HIF1AN: variants seen among roughly 807,000 people sequenced by gnomAD.
HIF1AN encodes hypoxia inducible factor 1 subunit alpha inhibitor.
HIF1AN carries 21 observed loss-of-function variants against 47.7 expected under a neutral mutation model. The observed-to-expected ratio is 0.44, with a 90% CI of 0.31 to 0.63. The LOEUF (loss-of-function observed/expected upper bound fraction) is 0.63, where lower values mean the gene tolerates loss of function less well. Ranked by LOEUF, HIF1AN falls within the 30% of genes least tolerant of loss-of-function variation. The probability of loss-of-function intolerance (pLI) is 0.07; values close to 1 mark genes in which losing one functional copy is unlikely to be tolerated. For synonymous variants in HIF1AN, 152 were observed against 155.9 expected (o/e 0.98, Z 0.18); for missense variants, 320 against 432.7 (o/e 0.74, Z 2.31).
chr10:100,536,220 C>T, intron 1 of HIF1AN, 85 bp downstream of exon 1: 1 of 1,383,802 alleles, frequency 7.2e-7, no homozygotes, highest in South Asian at 1.4e-5. Flanking sequence ...AGATGGGAGA[C>T]TGGCAGGGCT....
Position 100,556,127 on chromosome 10 carries a change from C to T in HIF1AN, c.*7990C>T, listed in dbSNP as rs1273096842. ...TTCTGTCTAAGTTCCTGTTTCTAGT[C>T]TCAGGGCATATCTAGTTGTCAGCTC... On this transcript the variant is annotated 3_prime_UTR_variant, in exon 8 of 8. Transcript: ENST00000299163. The T allele has an allele frequency of 6.6e-6, 1 of 152,192 alleles. No individual in the cohort carries two copies. Among genetic ancestry groups the T allele is most frequent in the East Asian group, 1.9e-4 (1 of 5,192 alleles). 9.4% of individuals were successfully genotyped at this position (152,192 alleles called of 1,614,324 possible).
chr10:100,549,051 T>TCC lies in HIF1AN; in HGVS notation c.*914_*915insCC, dbSNP rs1564664624. Reference sequence around the variant, plus strand: ...AGGGGTGCAAGCCTCTGGGTGTGTGTGTGTGTGTGCGTGCGTGTGTGTGTG... The same window carrying TCC: ...AGGGGTGCAAGCCTCTGGGTGTGTGTCCGTGTGTGTGCGTGCGTGTGTGTGTG... On this transcript the variant is annotated 3_prime_UTR_variant, in exon 8 of 8. Transcript: ENST00000299163. 1.7e-5 allele frequency: 2 copies of TCC among 119,054 alleles called. No homozygotes were observed. The highest frequency in any genetic ancestry group is 4.8e-4 in the East Asian group (2 of 4,184). 7.4% of individuals were successfully genotyped at this position (119,054 alleles called of 1,614,324 possible). A position where few individuals can be genotyped will look rare whatever the true frequency, so the allele number is the denominator to read the frequency against.
intron 2 of HIF1AN, among the ~76,000 whole-genome samples, chr10:100,538,261 G>A (rs566461967): frequency 1.1e-3 from 161 of 152,218 alleles, no homozygotes; most frequent in Middle Eastern, 3.4e-3. Flanking sequence ...CTTTAGCACC[G>A]AGCAGCTTCA....
chr10:100,545,758 ATTG>A (rs1843086996), intron 4 of HIF1AN, among the ~76,000 whole-genome samples, 182 bp from the exon 5 acceptor site: 2 of 152,142 alleles, frequency 1.3e-5, no homozygotes, highest in Admixed American at 6.5e-5. Flanking sequence ...ACTGTCTTAT[ATTG>A]TTCTCTCTCA....
intron 3 of HIF1AN, 21 bp from the exon 4 acceptor site, chr10:100,544,929 GA>G: frequency 3.1e-6 from 5 of 1,613,422 alleles, no homozygotes; most frequent in Non-Finnish European, 4.2e-6. Context: ...CTCTGCATAA[GA>G]AAATGCCTTT....
Position 100,548,373 on chromosome 10 carries a change from C to G in HIF1AN, c.*236C>G. The G allele has an allele frequency of 2.1e-6, 1 of 481,030 alleles. No individual in the cohort carries two copies. Among genetic ancestry groups the G allele is most frequent in the Non-Finnish European group, 3.7e-6 (1 of 272,662 alleles). 29.8% of individuals were successfully genotyped at this position (481,030 alleles called of 1,614,324 possible). A position where few individuals can be genotyped will look rare whatever the true frequency, so the allele number is the denominator to read the frequency against. Reference sequence around the variant, plus strand: ...GCCCCAGCACCTTCTCTCTCTGCCCCCCGCCTAAAGTCCTGCATTCAGTGT... The same window carrying G: ...GCCCCAGCACCTTCTCTCTCTGCCCGCCGCCTAAAGTCCTGCATTCAGTGT... On this transcript the variant is annotated 3_prime_UTR_variant, in exon 8 of 8. Coordinates refer to ENST00000299163, the MANE Select transcript of HIF1AN (RefSeq NM_017902.3).
At position 100,556,083 on chromosome 10, in the gene HIF1AN, C is replaced by T. The variant is rs1405303853; in HGVS notation, c.*7946C>T. On this transcript the variant is annotated 3_prime_UTR_variant, in exon 8 of 8. Transcript: ENST00000299163. The stretch of plus-strand genomic sequence containing the variant: ...TCTTTCTGTGTCTCTCAGTCTTTAC[C>T]TCTCTTCCCCATCTAGCTTTCTGTC... 1 of 152,190 alleles carries T rather than the reference C, an allele frequency of 6.6e-6. No homozygotes were observed. Among genetic ancestry groups the T allele is most frequent in the African/African-American group, 2.4e-5 (1 of 41,438 alleles). The allele number at this position is 152,190 out of a possible 1,614,324, so 9.4% of individuals were successfully genotyped here. A position where few individuals can be genotyped will look rare whatever the true frequency, so the allele number is the denominator to read the frequency against.
intron 5 of HIF1AN, 93 bp downstream of exon 5, chr10:100,546,142 A>T: frequency 1.1e-6 from 1 of 903,252 alleles, no homozygotes; most frequent in Non-Finnish European, 1.8e-6. Context: ...TTATGGCATG[A>T]TTGGTTTTAT....
intron 3 of HIF1AN, among the ~76,000 whole-genome samples, chr10:100,543,400 G>T (rs1028435057): frequency 2.0e-5 from 3 of 151,978 alleles, no homozygotes; most frequent in African/African-American, 7.3e-5. Context: ...TCCCTATGTT[G>T]CCCGGACTGG....
At chr10:100,537,394 C>T (rs1852237640) in intron 2 of HIF1AN, among the ~76,000 whole-genome samples, 1 of 152,178 alleles carries the variant, frequency 6.6e-6, no homozygotes, top group African/African-American at 2.4e-5. Flanking sequence ...GGATTTAGCT[C>T]TGAAAATGCC....
rs1052400419 is a variant in HIF1AN at position 100,554,772 on chromosome 10, C to T, written c.*6635C>T. On this transcript the variant is annotated 3_prime_UTR_variant, in exon 8 of 8. Transcript: ENST00000299163. ...AGTGAGCTGAGATCACGTCATTGCA[C>T]TCCAGCCTGGGTGACTACAGTGAGA... 2 of 149,696 alleles carry T rather than the reference C, an allele frequency of 1.3e-5. No individual in the cohort carries two copies. Among genetic ancestry groups the T allele is most frequent in the African/African-American group, 5.0e-5 (2 of 40,366 alleles). 9.3% of individuals were successfully genotyped at this position (149,696 alleles called of 1,614,324 possible). A position where few individuals can be genotyped will look rare whatever the true frequency, so the allele number is the denominator to read the frequency against.
At chr10:100,543,005 A>C (rs1281947711) in intron 3 of HIF1AN, among the ~76,000 whole-genome samples, 1 of 152,068 alleles carries the variant, frequency 6.6e-6, no homozygotes, top group Non-Finnish European at 1.5e-5. Flanking sequence ...TACTTAGTAA[A>C]TGGTGAATAA....
Position 100,551,395 on chromosome 10 carries a change from C to T in HIF1AN, c.*3258C>T, listed in dbSNP as rs1176036391. On this transcript the variant is annotated 3_prime_UTR_variant, in exon 8 of 8. Transcript: ENST00000299163. The stretch of plus-strand genomic sequence containing the variant: ...AGACAGAGAGGGGAAGGATCCTTAT[C>T]AGTGGGCCAGCCCAGTATGGGGAGA... The T allele has an allele frequency of 6.6e-6, 1 of 152,220 alleles. No homozygotes were observed. The highest frequency in any genetic ancestry group is 1.9e-4 in the East Asian group (1 of 5,196). 9.4% of individuals were successfully genotyped at this position (152,220 alleles called of 1,614,324 possible).
intron 2 of HIF1AN, among the ~76,000 whole-genome samples, chr10:100,540,189 A>G (rs919389585): frequency 6.8e-6 from 1 of 146,002 alleles, no homozygotes; most frequent in Non-Finnish European, 1.5e-5. Context: ...TTTATTTTTC[A>G]TCTCACCCTC....
At chr10:100,543,481 G>C (rs1357347553) in intron 3 of HIF1AN, among the ~76,000 whole-genome samples, 2 of 152,046 alleles carry the variant, frequency 1.3e-5, no homozygotes, top group Admixed American at 6.6e-5. Context: ...CTAAAGTGTT[G>C]GGATTACAGA....
rs1843114087 is a variant in HIF1AN at position 100,548,304 on chromosome 10, C to T, written c.*167C>T. 3.2e-5 allele frequency: 17 copies of T among 534,490 alleles called. 1 individual carries two copies. In the South Asian group the frequency reaches 4.4e-4, roughly 14 times the overall value. 33.1% of individuals were successfully genotyped at this position (534,490 alleles called of 1,614,324 possible). On this transcript the variant is annotated 3_prime_UTR_variant, in exon 8 of 8. Transcript: ENST00000299163. ...GTTTGGAGCGAGGCAGGGCAGTTGG[C>T]ACTCCACTCCTATTTGGAGGGACTT...
At position 100,559,860 on chromosome 10, in the gene HIF1AN, G is replaced by C. The variant is rs753688949; in HGVS notation, c.*11723G>C. 3.9e-5 allele frequency: 6 copies of C among 152,162 alleles called. No individual in the cohort carries two copies. Among genetic ancestry groups the C allele is most frequent in the Non-Finnish European group, 7.3e-5 (5 of 68,042 alleles). The allele number at this position is 152,162 out of a possible 1,614,324, so 9.4% of individuals were successfully genotyped here. A position where few individuals can be genotyped will look rare whatever the true frequency, so the allele number is the denominator to read the frequency against. ...CACCCAAGTCACTTAGCCTCTACAA[G>C]TACCACGTAACTAGCAGCCGTTAAA... is the stretch of plus-strand genomic sequence containing the variant. On this transcript the variant is annotated 3_prime_UTR_variant, in exon 8 of 8. Coordinates refer to ENST00000299163, the MANE Select transcript of HIF1AN (RefSeq NM_017902.3).
Position 100,544,996 on chromosome 10 carries a change from C to G in HIF1AN, c.623C>G (p.Ala208Gly). The part of the protein sequence containing the change: ...AHYDEQQNFF[A>G]QIKGYKRCIL... ...TATGATGAGCAGCAGAACTTTTTTG[C>G]TCAGATAAAAGGTTACAAACGATGC... The change falls in exon 4 of 8, where the codon GCT becomes GGT. Residue 208 changes from alanine to glycine, a missense_variant. Ala to Gly is a moderately conservative substitution (Grantham distance 60). Transcript: ENST00000299163. The G allele has an allele frequency of 6.2e-7, 1 of 1,614,166 alleles. No homozygotes were observed. The highest frequency in any genetic ancestry group is 8.5e-7 in the Non-Finnish European group (1 of 1,180,004).
chr10:100,539,832 A>G (rs1257039559), intron 2 of HIF1AN, among the ~76,000 whole-genome samples: 1 of 152,202 alleles, frequency 6.6e-6, no homozygotes, highest in South Asian at 2.1e-4. Flanking sequence ...ACAATTTACC[A>G]CAGTGGTCAT....
Sources: gnomAD v4.1 joint callset for allele counts (sites outside exome capture counted in the v4.1 genomes callset) on GRCh38, gnomAD v4.1.1 for gene constraint, MANE v1.5 for transcripts, NCBI Gene and HGNC (gene_info 2026-07-23, HGNC 2026-07-21) for gene names.